The following ING5 variants were observed in gnomAD, a reference collection of about 807,000 sequenced individuals.
The protein encoded by ING5 is inhibitor of growth protein 5.
ING5 carries 17 observed loss-of-function variants against 37.4 expected under a neutral mutation model. The observed-to-expected ratio is 0.45, with a 90% CI of 0.31 to 0.68. The LOEUF is 0.68. Among genes scored for constraint, ING5 ranks in the 30% least tolerant of loss-of-function variants. The pLI, the probability that ING5 is intolerant of heterozygous loss-of-function variation, is 0.05. For synonymous variants in ING5, 123 were observed against 116.6 expected (o/e 1.06, Z -0.36); for missense variants, 233 against 311.9 (o/e 0.75, Z 1.91).
At chr2:241,723,993 G>C (rs939279532) in intron 7 of ING5, 22 of 1,339,606 alleles carry the variant, frequency 1.6e-5, no homozygotes, top group Middle Eastern at 2.7e-4. Context: ...CTGGGCGAGA[G>C]AGCAAGACCC....
chr2:241,723,911 G>T, intron 7 of ING5: 1 of 1,315,404 alleles, frequency 7.6e-7, no homozygotes, highest in East Asian at 2.3e-5. Flanking sequence ...CTGGGAGGCG[G>T]AGGCGGGAGG....
At chr2:241,699,006 G>A (rs1438017726), upstream of ING5, among the ~76,000 whole-genome samples, 1 of 147,176 alleles carries the variant, frequency 6.8e-6, no homozygotes, top group Admixed American at 6.8e-5. Context: ...GGGATTACAG[G>A]CGTGAGCCAC....
At chr2:241,714,016 C>A (rs1359996256) in intron 5 of ING5, among the ~76,000 whole-genome samples, 2 of 151,738 alleles carry the variant, frequency 1.3e-5, no homozygotes, top group Non-Finnish European at 2.9e-5. Flanking sequence ...TCCCAACATT[C>A]TCGTATTGTA....
intron 5 of ING5, chr2:241,720,952 T>TCCCCTCAGGC: frequency 1.0e-6 from 1 of 985,252 alleles, no homozygotes; most frequent in Non-Finnish European, 1.2e-6. Flanking sequence ...TGCTGGGCGG[T>TCCCCTCAGGC]CCCCTCAGGC....
intron 2 of ING5, 124 bp from the exon 3 acceptor site, chr2:241,709,092 G>C: frequency 9.8e-7 from 1 of 1,021,574 alleles, no homozygotes; most frequent in Non-Finnish European, 1.5e-6. Flanking sequence ...CCAGCACAGC[G>C]TGAGTTCATG....
chr2:241,719,649 C>T, intron 5 of ING5: 1 of 1,535,228 alleles, frequency 6.5e-7, no homozygotes, highest in Non-Finnish European at 8.7e-7. Context: ...ACTGGGGGTC[C>T]TCGTGGGGGT....
intron 7 of ING5, among the ~76,000 whole-genome samples, chr2:241,723,608 G>A (rs1215340654): frequency 6.6e-6 from 1 of 152,234 alleles, no homozygotes; most frequent in Non-Finnish European, 1.5e-5. Context: ...TCTTAAATCA[G>A]AAATGAGAGG....
rs938109435 is a variant in ING5 at position 241,721,625 on chromosome 2, C to T, written c.483-1314C>T. 12 of 985,318 alleles carry T rather than the reference C, an allele frequency of 1.2e-5. 2 individuals are homozygous for T. Among genetic ancestry groups the T allele is most frequent in the Middle Eastern group, 1.0e-3 (2 of 1,936 alleles). The allele number at this position is 985,318 out of a possible 1,614,324, so 61.0% of individuals were successfully genotyped here. ...TCCCTGATCGTGACTGTTTTTCTCA[C>T]GGCCACGTTCCTCCTGCTAACCTGC... On this transcript the variant is annotated intron_variant, in intron 5 of 7. Transcript: ENST00000313552.
Position 241,723,280 on chromosome 2 carries a change from G to C in ING5, c.680+9G>C, listed in dbSNP as rs2070474015. ...AAACCCAAAGGAAAATGGTGAGTGT[G>C]GGGACGCTCGCTCTGTTTTCTCCCA... On this transcript the variant is annotated intron_variant, in intron 7 of 7. Coordinates refer to ENST00000313552, the MANE Select transcript of ING5 (RefSeq NM_032329.6). 6.2e-7 allele frequency: 1 copy of C among 1,613,460 alleles called. No homozygotes were observed. Among genetic ancestry groups the C allele is most frequent in the Non-Finnish European group, 8.5e-7 (1 of 1,179,436 alleles).
intron 5 of ING5, chr2:241,721,579 C>T (rs1246841517): frequency 3.0e-6 from 3 of 985,352 alleles, no homozygotes; most frequent in Non-Finnish European, 2.4e-6. Flanking sequence ...CTCTGGGACC[C>T]AGACTTCTGC....
intron 2 of ING5, among the ~76,000 whole-genome samples, chr2:241,694,670 C>A (rs551913081): frequency 6.6e-6 from 1 of 151,214 alleles, no homozygotes; most frequent in South Asian, 2.1e-4. Context: ...AGTGGCCATG[C>A]TGGTTGGTAT....
At chr2:241,710,390 CT>C (rs1410924050) in intron 3 of ING5, among the ~76,000 whole-genome samples, 1 of 152,192 alleles carries the variant, frequency 6.6e-6, no homozygotes, top group African/African-American at 2.4e-5. Flanking sequence ...GCAACCTCCA[CT>C]TCCCAGGCTC....
intron 2 of ING5, among the ~76,000 whole-genome samples, chr2:241,693,075 G>A (rs540814004): frequency 2.3e-4 from 35 of 151,916 alleles, no homozygotes; most frequent in East Asian, 1.2e-3. Flanking sequence ...CCTGGCCAAC[G>A]TGGTGAAACC....
Position 241,712,010 on chromosome 2 carries a change from C to A in ING5, c.421C>A (p.Arg141=). Residue 141 remains arginine, a synonymous_variant, in exon 5 of 8, where the codon CGG becomes AGG. Coordinates refer to ENST00000313552, the MANE Select transcript of ING5 (RefSeq NM_032329.6). ...GRGQKEKRGS[R]GRGRRTSEED... is the part of the protein sequence containing the mutation. The stretch of plus-strand genomic sequence containing the variant: ...GGGTCAGAAAGAAAAAAGAGGGTCC[C>A]GGGGCCGAGGCAGGAGGACATCAGA... 2 of 1,611,594 alleles carry A rather than the reference C, an allele frequency of 1.2e-6. No homozygotes were observed.
Position 241,704,642 on chromosome 2 carries a change from T to G in ING5, c.38-11T>G, listed in dbSNP as rs1188281941. ...TGAGAGGTACATGGCTTCTGTGTTT[T>G]TGCGTTTCAGGTATCGAGAACCTTC... On this transcript the variant is annotated splice_polypyrimidine_tract_variant and intron_variant, in intron 1 of 7. Coordinates refer to ENST00000313552, the MANE Select transcript of ING5 (RefSeq NM_032329.6). The G allele has an allele frequency of 6.2e-7, 1 of 1,613,284 alleles. No homozygotes were observed. The highest frequency in any genetic ancestry group is 1.7e-5 in the Admixed American group (1 of 60,024).
At chr2:241,724,096 T>C (rs1477758786) in intron 7 of ING5, 1 of 1,304,166 alleles carries the variant, frequency 7.7e-7, no homozygotes, top group Non-Finnish European at 9.8e-7. Flanking sequence ...GAAAATGAAA[T>C]CGGAATGTGC....
chr2:241,712,311 T>C (rs941628561), intron 5 of ING5: 1 of 432,672 alleles, frequency 2.3e-6, no homozygotes, highest in Non-Finnish European at 4.2e-6. Flanking sequence ...GCTGCTGTGG[T>C]GCGGCTGGGC....
chr2:241,692,109 G>T (rs996165613), intron 2 of ING5, among the ~76,000 whole-genome samples: 4 of 152,084 alleles, frequency 2.6e-5, no homozygotes, highest in African/African-American at 9.7e-5. Flanking sequence ...AATCAAGGAA[G>T]AGGGGAGGGG....
chr2:241,715,472 ATTTTTT>A (rs34545938), intron 5 of ING5, among the ~76,000 whole-genome samples: 2 of 70,952 alleles, frequency 2.8e-5, no homozygotes, highest in African/African-American at 6.4e-5. Flanking sequence ...CTGGAATAGA[ATTTTTT>A]TTTTTTTTTT....
Sources: gnomAD v4.1 joint callset for allele counts (sites outside exome capture counted in the v4.1 genomes callset) on GRCh38, gnomAD v4.1.1 for gene constraint, MANE v1.5 for transcripts, NCBI Gene and HGNC (gene_info 2026-07-23, HGNC 2026-07-21) for gene names.